Variants in NEBL observed in about 807,000 individuals in gnomAD.
The protein encoded by NEBL is LIM and SH3 protein 2.
A neutral mutation model predicts 140.2 loss-of-function variants in NEBL; 122 were observed. The observed-to-expected ratio is 0.87, with a 90% CI of 0.75 to 1.01. The LOEUF (loss-of-function observed/expected upper bound fraction) is 1.01. Among genes scored for constraint, NEBL ranks in the 50% least tolerant of loss-of-function variants. The probability of loss-of-function intolerance (pLI) is 0.00; values close to 1 mark genes in which losing one functional copy is unlikely to be tolerated. For synonymous variants in NEBL, 436 were observed against 398.9 expected, an observed-to-expected ratio of 1.09 and a Z score of -1.11; for missense variants, 1,365 against 1,231.3, an observed-to-expected ratio of 1.11 and a Z score of -1.62.
At chr10:21,222,563 G>C (rs1265271933) in intron 3 of NEBL, among the ~76,000 whole-genome samples, 1 of 152,062 alleles carries the variant, frequency 6.6e-6, no homozygotes, top group Non-Finnish European at 1.5e-5. Flanking sequence ...ACCCTGCCAA[G>C]TCACTACTAT....
intron 2 of NEBL, among the ~76,000 whole-genome samples, chr10:21,062,744 T>A (rs1430991030): frequency 6.6e-6 from 1 of 151,962 alleles, no homozygotes; most frequent in African/African-American, 2.4e-5. Flanking sequence ...CTGAAGGACC[T>A]AGAATGAGAT....
At chr10:20,899,013 C>A (rs1431225724), upstream of NEBL, among the ~76,000 whole-genome samples, 1 of 152,170 alleles carries the variant, frequency 6.6e-6, no homozygotes, top group Non-Finnish European at 1.5e-5. Flanking sequence ...TTGCCTCAAG[C>A]ATGCTGAACT....
intron 3 of NEBL, among the ~76,000 whole-genome samples, chr10:21,230,741 A>T (rs1842237819): frequency 6.6e-6 from 1 of 151,370 alleles, no homozygotes; most frequent in African/African-American, 2.4e-5. Context: ...AGTAGCTGGG[A>T]TTAAAGGCAC....
intron 3 of NEBL, among the ~76,000 whole-genome samples, chr10:21,206,453 A>G (rs1283605247): frequency 2.0e-5 from 3 of 152,188 alleles, no homozygotes; most frequent in Admixed American, 1.3e-4. Context: ...CTCAAAAATA[A>G]GTTGTAGCCA....
intron 3 of NEBL, among the ~76,000 whole-genome samples, chr10:21,214,798 T>C (rs1224816703): frequency 6.6e-6 from 1 of 152,226 alleles, no homozygotes; most frequent in Non-Finnish European, 1.5e-5. Flanking sequence ...GCTCCCAGAA[T>C]TAATCATTGT....
At chr10:20,882,183 A>G (rs979540344) in intron 4 of NEBL, among the ~76,000 whole-genome samples, 4 of 151,764 alleles carry the variant, frequency 2.6e-5, no homozygotes, top group Non-Finnish European at 4.4e-5. Flanking sequence ...AAAGAAGGAA[A>G]GACAGAAAGA....
chr10:21,250,151 T>C (rs1451832884), intron 2 of NEBL, among the ~76,000 whole-genome samples: 1 of 152,208 alleles, frequency 6.6e-6, no homozygotes, highest in Admixed American at 6.6e-5. Flanking sequence ...TACAAAGTAT[T>C]GATCCTTGGT....
At chr10:21,130,834 A>G (rs11012541) in intron 2 of NEBL, among the ~76,000 whole-genome samples, 15,364 of 152,060 alleles carry the variant, frequency 0.1, 846 homozygotes, top group Non-Finnish European at 0.13. Flanking sequence ...AGAAACTGGA[A>G]AAAGAAGAGC....
chr10:21,069,971 G>A (rs138604318), intron 2 of NEBL: 109 of 456,156 alleles, frequency 2.4e-4, no homozygotes, highest in African/African-American at 1.8e-3. Flanking sequence ...TAGGGACTGC[G>A]CCCCTGGAGC....
intron 19 of NEBL, 79 bp from the exon 20 acceptor site, chr10:20,819,595 A>G: frequency 6.6e-7 from 1 of 1,514,218 alleles, no homozygotes; most frequent in South Asian, 1.1e-5. Context: ...TTTTTTTTAA[A>G]TGTCACATGG....
intron 3 of NEBL, among the ~76,000 whole-genome samples, chr10:21,191,714 G>A (rs1179128252): frequency 6.6e-6 from 1 of 152,132 alleles, no homozygotes; most frequent in Non-Finnish European, 1.5e-5. Flanking sequence ...TAACAATATT[G>A]TTGCTTTTAG....
intron 7 of NEBL, 55 bp downstream of exon 7, chr10:20,868,609 G>T: frequency 1.7e-6 from 2 of 1,200,726 alleles, no homozygotes; most frequent in Non-Finnish European, 2.5e-6. Context: ...CTCCTGTGCT[G>T]TTAGAAACAA....
At chr10:21,014,879 C>G (rs1447831698) in intron 3 of NEBL, among the ~76,000 whole-genome samples, 1 of 152,186 alleles carries the variant, frequency 6.6e-6, no homozygotes, top group Non-Finnish European at 1.5e-5. Flanking sequence ...ATTTATCGTA[C>G]TTCCTATGAA....
intron 3 of NEBL, among the ~76,000 whole-genome samples, chr10:21,012,136 C>T (rs1838364567): frequency 6.6e-6 from 1 of 152,084 alleles, no homozygotes; most frequent in African/African-American, 2.4e-5. Context: ...GGTCATGTTT[C>T]AGTCTCCGAT....
chr10:21,062,554 G>T (rs1003203634), intron 2 of NEBL, among the ~76,000 whole-genome samples: 1 of 151,998 alleles, frequency 6.6e-6, no homozygotes, highest in Non-Finnish European at 1.5e-5. Flanking sequence ...GGGCATAGTT[G>T]TGTGCACCTG....
chr10:21,179,772 C>T (rs1005831177), upstream of NEBL, among the ~76,000 whole-genome samples: 7 of 150,990 alleles, frequency 4.6e-5, no homozygotes, highest in Admixed American at 1.3e-4. Flanking sequence ...AGATGCTACA[C>T]TGCTGGCCTT....
intron 2 of NEBL, among the ~76,000 whole-genome samples, chr10:21,125,227 TACACACACAC>T (rs59284447): frequency 1.4e-5 from 2 of 148,102 alleles, no homozygotes; most frequent in African/African-American, 5.1e-5. Context: ...CACATGCATA[TACACACACAC>T]ACACACACAC....
intron 2 of NEBL, among the ~76,000 whole-genome samples, chr10:21,104,444 C>A (rs1027731061): frequency 1.3e-5 from 2 of 152,134 alleles, no homozygotes; most frequent in African/African-American, 4.8e-5. Flanking sequence ...AGAAGTTTTA[C>A]ACATTTTTCC....
chr10:21,197,727 T>C (rs1258325005), intron 3 of NEBL, among the ~76,000 whole-genome samples: 1 of 152,180 alleles, frequency 6.6e-6, no homozygotes, highest in Non-Finnish European at 1.5e-5. Flanking sequence ...GATGGCAACT[T>C]GAGCATTACA....
Sources: allele counts gnomAD v4.1 joint callset (sites outside exome capture counted in the v4.1 genomes callset), GRCh38; gene constraint gnomAD v4.1.1; transcripts MANE v1.5; gene names NCBI Gene and HGNC (gene_info 2026-07-23, HGNC 2026-07-21).